Variants in STPG2 observed in about 807,000 individuals in gnomAD.
The protein encoded by STPG2 is sperm tail PG-rich repeat containing 2.
In STPG2, 56 loss-of-function variants were observed where a neutral mutation model predicts 54.2. The observed-to-expected ratio is 1.03, with a 90% CI of 0.83 to 1.29. The LOEUF (loss-of-function observed/expected upper bound fraction) is 1.29, where lower values mean the gene tolerates loss of function less well. Among genes scored for constraint, STPG2 ranks in the 50% most tolerant of loss-of-function variants. STPG2 has a pLI of 0.00. For synonymous variants in STPG2, 200 were observed against 181.8 expected (o/e 1.10, Z -0.81); for missense variants, 596 against 544.9 (o/e 1.09, Z -0.93).
At position 97,972,265 on chromosome 4, in the gene STPG2, G is replaced by A. The variant is rs1298085703; in HGVS notation, c.933+15C>T. 1.1e-5 allele frequency: 17 copies of A among 1,495,806 alleles called. No individual in the cohort carries two copies. The highest frequency in any genetic ancestry group is 1.4e-5 in the Non-Finnish European group (16 of 1,110,806). The allele number at this position is 1,495,806 out of a possible 1,614,324, so 92.7% of individuals were successfully genotyped here. ...ATTCAACATAAAGAATATTATTTTT[G>A]TATGAATGTATTACCTGATAATCAG... is the stretch of plus-strand genomic sequence containing the variant. On this transcript the variant is annotated intron_variant, in intron 7 of 10. Coordinates refer to ENST00000295268, the MANE Select transcript of STPG2 (RefSeq NM_174952.3).
intron 10 of STPG2, among the ~76,000 whole-genome samples, chr4:97,561,205 T>A (rs1210388965): frequency 6.6e-6 from 1 of 152,228 alleles, no homozygotes; most frequent in South Asian, 2.1e-4. Flanking sequence ...TGGCCAGTGA[T>A]GGTGAGCATT....
At chr4:97,492,879 C>T (rs1478715679) in intron 4 of STPG2, among the ~76,000 whole-genome samples, 1 of 149,580 alleles carries the variant, frequency 6.7e-6, no homozygotes, top group Non-Finnish European at 1.5e-5. Context: ...CCAAAATCTC[C>T]CATTCCTAAT....
At chr4:98,014,632 G>C (rs1168459021) in intron 5 of STPG2, among the ~76,000 whole-genome samples, 1 of 152,114 alleles carries the variant, frequency 6.6e-6, no homozygotes, top group African/African-American at 2.4e-5. Flanking sequence ...TATTATTAGA[G>C]TTACAAGTGA....
chr4:97,672,115 T>TG, intron 10 of STPG2, among the ~76,000 whole-genome samples: 1 of 151,066 alleles, frequency 6.6e-6, no homozygotes, highest in South Asian at 2.1e-4. Context: ...CCATTTTACA[T>TG]GGTAAAAAAC....
At chr4:97,902,496 A>G (rs1032976136) in intron 8 of STPG2, among the ~76,000 whole-genome samples, 20 of 152,146 alleles carry the variant, frequency 1.3e-4, no homozygotes, top group African/African-American at 4.3e-4. Flanking sequence ...CTTGAATAAG[A>G]TATTTTTCTA....
At chr4:98,091,691 A>C (rs1274225077) in intron 5 of STPG2, among the ~76,000 whole-genome samples, 1 of 102,728 alleles carries the variant, frequency 9.7e-6, no homozygotes, top group Non-Finnish European at 2.1e-5. Context: ...GTGTTCAATT[A>C]ATTGTTCATT....
intron 9 of STPG2, among the ~76,000 whole-genome samples, chr4:97,796,521 T>C (rs1431073996): frequency 6.6e-6 from 1 of 152,172 alleles, no homozygotes; most frequent in Non-Finnish European, 1.5e-5. Flanking sequence ...AGATGTGTGG[T>C]ATTATTTCTG....
chr4:97,474,022 T>C (rs1484816851), intron 4 of STPG2, among the ~76,000 whole-genome samples: 2 of 152,172 alleles, frequency 1.3e-5, no homozygotes, highest in East Asian at 1.9e-4. Context: ...CATGTCATTA[T>C]ACATTTGTCA....
chr4:98,082,007 G>A (rs1738357621), intron 5 of STPG2, among the ~76,000 whole-genome samples: 1 of 152,160 alleles, frequency 6.6e-6, no homozygotes, highest in Non-Finnish European at 1.5e-5. Context: ...ATTAAGAACT[G>A]AGAAGCATTG....
chr4:97,716,483 T>G (rs1207513867), intron 9 of STPG2, among the ~76,000 whole-genome samples: 1 of 151,858 alleles, frequency 6.6e-6, no homozygotes, highest in African/African-American at 2.4e-5. Context: ...ATAAAGAAAA[T>G]GTGGCACATA....
At chr4:97,569,954 C>A (rs1286306406) in intron 10 of STPG2, among the ~76,000 whole-genome samples, 1 of 151,794 alleles carries the variant, frequency 6.6e-6, no homozygotes, top group Non-Finnish European at 1.5e-5. Flanking sequence ...TGTAATATAT[C>A]CTGAAAAGTA....
intron 3 of STPG2, among the ~76,000 whole-genome samples, chr4:98,122,878 T>C (rs1462765650): frequency 6.6e-6 from 1 of 152,172 alleles, no homozygotes; most frequent in Non-Finnish European, 1.5e-5. Context: ...TCAGAACTCA[T>C]TATTGGTCTA....
chr4:97,583,080 A>G (rs576281751), intron 10 of STPG2, among the ~76,000 whole-genome samples: 160 of 152,128 alleles, frequency 1.1e-3, no homozygotes, highest in African/African-American at 3.7e-3. Flanking sequence ...ATCATTTGTC[A>G]ACTTGTAAGC....
chr4:97,474,077 T>C (rs1730012703), intron 4 of STPG2, among the ~76,000 whole-genome samples: 1 of 152,176 alleles, frequency 6.6e-6, no homozygotes, highest in African/African-American at 2.4e-5. Flanking sequence ...ATGTAAACTA[T>C]GGACTTTAGA....
chr4:97,922,404 CCTGA>C (rs1247893377), intron 8 of STPG2, among the ~76,000 whole-genome samples: 10 of 151,902 alleles, frequency 6.6e-5, no homozygotes, highest in African/African-American at 1.9e-4. Context: ...ATTTAGATGG[CCTGA>C]CTAAATTTGG....
intron 4 of STPG2, chr4:97,489,768 T>C (rs1730458333): frequency 6.6e-6 from 1 of 151,572 alleles, no homozygotes; most frequent in Non-Finnish European, 1.5e-5. Flanking sequence ...CTTATTTCCT[T>C]CAAAGGTCTC....
chr4:97,852,658 C>T (rs1054056764), intron 8 of STPG2, among the ~76,000 whole-genome samples: 8 of 151,900 alleles, frequency 5.3e-5, no homozygotes, highest in Non-Finnish European at 1.0e-4. Context: ...ACTTCAAAAA[C>T]AATTATGTAG....
At chr4:97,775,296 G>T (rs1461546935) in intron 9 of STPG2, among the ~76,000 whole-genome samples, 1 of 152,132 alleles carries the variant, frequency 6.6e-6, no homozygotes, top group Non-Finnish European at 1.5e-5. Flanking sequence ...GGCTACACGT[G>T]CACAACGTGC....
intron 4 of STPG2, among the ~76,000 whole-genome samples, chr4:97,538,510 T>C (rs1160185825): frequency 1.3e-5 from 2 of 152,020 alleles, no homozygotes; most frequent in South Asian, 2.1e-4. Context: ...TACGAAGAAA[T>C]GAACAAAGCC....
Sources: gnomAD v4.1 joint callset for allele counts (sites outside exome capture counted in the v4.1 genomes callset) on GRCh38, gnomAD v4.1.1 for gene constraint, MANE v1.5 for transcripts, NCBI Gene and HGNC (gene_info 2026-07-23, HGNC 2026-07-21) for gene names.